The following EMSY variants were observed in gnomAD, a reference collection of about 807,000 sequenced individuals.
EMSY encodes EMSY transcriptional repressor, BRCA2 interacting.
In EMSY, 26 loss-of-function variants were observed where a neutral mutation model predicts 134.6. The ratio of observed to expected loss-of-function variants is 0.19; its 90% CI spans 0.14 to 0.27. The LOEUF is 0.27. EMSY is among the 10% of genes least tolerant of loss of function. The pLI is 1.00. For synonymous variants in EMSY, 579 were observed against 577.8 expected, an observed-to-expected ratio of 1.00 and a Z score of -0.03; for missense variants, 1,305 against 1,611.4, an observed-to-expected ratio of 0.81 and a Z score of 3.26.
exon 8 of EMSY, chr11:76,472,774 A>G (rs1045223588): frequency 6.2e-7 from 1 of 1,614,134 alleles, no homozygotes; most frequent in East Asian, 2.2e-5. Context: ...ACCTATTCCT[A>G]ATACAGTTGC....
chr11:76,519,413 G>C (rs946926184), intron 11 of EMSY, among the ~76,000 whole-genome samples: 2 of 152,120 alleles, frequency 1.3e-5, no homozygotes, highest in African/African-American at 4.8e-5. Context: ...GTATACATTA[G>C]ATTATCAGAT....
intron 9 of EMSY, among the ~76,000 whole-genome samples, chr11:76,501,137 A>G (rs918389808): frequency 4.6e-5 from 7 of 152,164 alleles, no homozygotes; most frequent in Non-Finnish European, 1.0e-4. Flanking sequence ...ATTATTTTTT[A>G]CTGTTGTATT....
At chr11:76,541,529 CAAACA>C (rs1322456533) in intron 17 of EMSY, among the ~76,000 whole-genome samples, 2 of 152,154 alleles carry the variant, frequency 1.3e-5, no homozygotes, top group Non-Finnish European at 2.9e-5. Flanking sequence ...TAAAATCAAT[CAAACA>C]AAACAAAACC....
intron 11 of EMSY, among the ~76,000 whole-genome samples, chr11:76,522,822 A>G (rs1179139919): frequency 6.6e-6 from 1 of 152,200 alleles, no homozygotes; most frequent in African/African-American, 2.4e-5. Context: ...TGGGGGAAAT[A>G]CATGTCATGG....
At chr11:76,467,061 C>T (rs920358846) in intron 7 of EMSY, among the ~76,000 whole-genome samples, 7 of 152,066 alleles carry the variant, frequency 4.6e-5, no homozygotes, top group Admixed American at 3.9e-4. Flanking sequence ...GAAGCATATC[C>T]CTTCATATAT....
At chr11:76,460,463 T>C (rs1948064638) in intron 6 of EMSY, 1 of 160,684 alleles carries the variant, frequency 6.2e-6, no homozygotes, top group African/African-American at 2.4e-5. Flanking sequence ...TCTTAGATTA[T>C]TTTATATAAT....
At chr11:76,486,788 G>C (rs1357222199) in intron 8 of EMSY, among the ~76,000 whole-genome samples, 1 of 152,176 alleles carries the variant, frequency 6.6e-6, no homozygotes, top group African/African-American at 2.4e-5. Flanking sequence ...AGCCAAAATG[G>C]TTCTGAATCA....
intron 9 of EMSY, among the ~76,000 whole-genome samples, chr11:76,497,688 A>C (rs1254550438): frequency 1.1e-4 from 17 of 152,068 alleles, no homozygotes. Flanking sequence ...ATCGATATTA[A>C]TGTCCTGTTT....
At chr11:76,463,793 A>G (rs1948237643) in intron 6 of EMSY, 28 bp from the exon 8 acceptor site, 1 of 1,612,682 alleles carries the variant, frequency 6.2e-7, no homozygotes, top group African/African-American at 1.3e-5. Context: ...TTTGGTATAC[A>G]TATAGCAGTA....
intron 11 of EMSY, among the ~76,000 whole-genome samples, chr11:76,518,606 A>T (rs1375183595): frequency 1.3e-5 from 2 of 151,230 alleles, no homozygotes; most frequent in Non-Finnish European, 2.9e-5. Flanking sequence ...TTTACTATCC[A>T]TAGGACTGTG....
chr11:76,495,300 G>C (rs907757815), intron 8 of EMSY, among the ~76,000 whole-genome samples: 2 of 152,172 alleles, frequency 1.3e-5, no homozygotes, highest in African/African-American at 2.4e-5. Flanking sequence ...AACATCCTAA[G>C]TACTTGAGAA....
At chr11:76,518,049 C>A (rs1188150945) in intron 11 of EMSY, among the ~76,000 whole-genome samples, 1 of 151,856 alleles carries the variant, frequency 6.6e-6, no homozygotes, top group Non-Finnish European at 1.5e-5. Flanking sequence ...TCTTTCATTG[C>A]CTATTTATAG....
rs1290613440 is a variant in EMSY, at chr11:76,546,204, T to TC, written c.3683dup (p.Pro1229ThrfsTer21). The TC allele has an allele frequency of 6.2e-7, 1 of 1,614,012 alleles. No homozygotes were observed. Among genetic ancestry groups the TC allele is most frequent in the Non-Finnish European group, 8.5e-7 (1 of 1,180,010 alleles). On this transcript the variant is annotated frameshift_variant, in exon 20 of 21. Coordinates refer to ENST00000334736, the Ensembl canonical transcript of EMSY. LOFTEE classifies it high-confidence loss of function. ...CTTCCCTAACGACAAGGAAAATTGA[T>TC]CCACCAGCAGTGCCTGCGACAGGCC...
chr11:76,496,473 A>G lies in EMSY; in HGVS notation c.1363+4A>G. The G allele has an allele frequency of 6.2e-7, 1 of 1,613,792 alleles. No homozygotes were observed. ...ATCCAAATCAAACAGGAGTCAGGTA[A>G]CTGGAAAATGTTTATAAGATATGGT... is the stretch of plus-strand genomic sequence containing the variant. On this transcript the variant is annotated splice_donor_region_variant and intron_variant, in intron 9 of 20. Coordinates refer to ENST00000334736, the Ensembl canonical transcript of EMSY.
chr11:76,517,207 G>C (rs979679749), intron 11 of EMSY, among the ~76,000 whole-genome samples: 1 of 151,816 alleles, frequency 6.6e-6, no homozygotes, highest in Non-Finnish European at 1.5e-5. Flanking sequence ...TGATAACTCA[G>C]GGAGTGAAAA....
chr11:76,525,298 T>C lies in EMSY; in HGVS notation c.1822-1164T>C, dbSNP rs1950805356. On this transcript the variant is annotated intron_variant, in intron 12 of 20. Coordinates refer to ENST00000334736, the Ensembl canonical transcript of EMSY. Reference sequence around the variant, plus strand: ...GTGTTGAAATAAGTAATAACACCATTGGCAGATGCTTCATGTTTCCCTTAA... The same window carrying C: ...GTGTTGAAATAAGTAATAACACCATCGGCAGATGCTTCATGTTTCCCTTAA... Among the ~76,000 whole-genome samples, 2 of 152,238 alleles carry C rather than the reference T, an allele frequency of 1.3e-5. 1 individual carries two copies. Among genetic ancestry groups the C allele is most frequent in the South Asian group, 4.1e-4 (2 of 4,836 alleles).
chr11:76,460,219 G>C (rs1246553483), intron 6 of EMSY, 134 bp downstream of exon 7: 1 of 1,083,312 alleles, frequency 9.2e-7, no homozygotes, highest in African/African-American at 1.6e-5. Context: ...AGATTTTAAA[G>C]AATTCCTTTC....
At chr11:76,517,918 ACTT>A (rs956724257) in intron 11 of EMSY, among the ~76,000 whole-genome samples, 100 of 152,274 alleles carry the variant, frequency 6.6e-4, no homozygotes, top group African/African-American at 2.0e-3. Flanking sequence ...ATTCCAAAGA[ACTT>A]CTTCTGGTTG....
intron 14 of EMSY, among the ~76,000 whole-genome samples, chr11:76,532,976 A>C (rs987527379): frequency 7.2e-5 from 11 of 152,170 alleles, no homozygotes; most frequent in African/African-American, 2.7e-4. Flanking sequence ...ATACAATATA[A>C]AATGTTCCCC....
Sources: gnomAD v4.1 joint callset for allele counts (sites outside exome capture counted in the v4.1 genomes callset) on GRCh38, gnomAD v4.1.1 for gene constraint, MANE v1.5 for transcripts, NCBI Gene and HGNC (gene_info 2026-07-23, HGNC 2026-07-21) for gene names.